PTPRT: variants seen among roughly 807,000 people sequenced by gnomAD.
PTPRT encodes the protein protein tyrosine phosphatase receptor type T.
Under a neutral mutation model 176.8 loss-of-function variants are expected in PTPRT, and 56 were observed. That is an observed-to-expected ratio of 0.32 (90% confidence interval 0.26 to 0.40). The LOEUF (loss-of-function observed/expected upper bound fraction) is 0.40, where lower values mean the gene tolerates loss of function less well. Ranked by LOEUF, PTPRT falls within the 10% of genes least tolerant of loss-of-function variation. The pLI, the probability that PTPRT is intolerant of heterozygous loss-of-function variation, is 1.00. For synonymous variants in PTPRT, 783 were observed against 739.0 expected (o/e 1.06, Z -0.96); for missense variants, 1,540 against 1,908.2 (o/e 0.81, Z 3.60).
intron 4 of PTPRT, among the ~76,000 whole-genome samples, chr20:42,774,460 G>A (rs1885833): frequency 6.6e-6 from 1 of 152,022 alleles, no homozygotes; most frequent in Non-Finnish European, 1.5e-5. Context: ...CTTTGTATAG[G>A]GGTGTCAAAC....
chr20:42,918,539 T>C (rs572775254), intron 1 of PTPRT, among the ~76,000 whole-genome samples: 18 of 152,200 alleles, frequency 1.2e-4, no homozygotes, highest in African/African-American at 4.1e-4. Context: ...TCCAGTTTGG[T>C]TCATCGATCA....
intron 1 of PTPRT, among the ~76,000 whole-genome samples, chr20:43,157,122 C>G (rs2014544369): frequency 6.6e-6 from 1 of 151,474 alleles, no homozygotes. Flanking sequence ...GAGGCCAAGG[C>G]GGGAGGATCG....
intron 1 of PTPRT, among the ~76,000 whole-genome samples, chr20:43,056,707 C>G (rs1407758417): frequency 2.6e-5 from 4 of 152,078 alleles, no homozygotes; most frequent in Non-Finnish European, 5.9e-5. Context: ...CAAAGCAAAA[C>G]TGAAAGCCCA....
chr20:42,783,206 T>C lies in PTPRT; in HGVS notation c.487-2907A>G, dbSNP rs2077239218. Among the ~76,000 whole-genome samples the C allele has an allele frequency of 3.9e-5, 6 of 152,200 alleles. No individual in the cohort carries two copies. In the South Asian group the frequency reaches 1.2e-3, roughly 32 times the overall value. Reference sequence around the variant, plus strand: ...GTCTTAAAAACCAATTTATTTAAAGTTACACAATGCTTTCTTAATAACTAT... The same window carrying C: ...GTCTTAAAAACCAATTTATTTAAAGCTACACAATGCTTTCTTAATAACTAT... On this transcript the variant is annotated intron_variant, in intron 3 of 30. Coordinates refer to ENST00000373187, the MANE Select transcript of PTPRT (RefSeq NM_007050.6).
chr20:42,960,611 C>T (rs962896010), intron 1 of PTPRT, among the ~76,000 whole-genome samples: 3 of 152,182 alleles, frequency 2.0e-5, no homozygotes, highest in Non-Finnish European at 2.9e-5. Flanking sequence ...TATGTGTAGT[C>T]GCCAGCCTGC....
intron 7 of PTPRT, among the ~76,000 whole-genome samples, chr20:42,612,345 A>T (rs576012394): frequency 1.3e-5 from 2 of 152,292 alleles, no homozygotes; most frequent in Admixed American, 6.5e-5. Context: ...TGTCATGGAG[A>T]TTCTGAAAGA....
At chr20:42,750,606 T>C (rs999955898) in intron 6 of PTPRT, among the ~76,000 whole-genome samples, 2 of 152,206 alleles carry the variant, frequency 1.3e-5, no homozygotes, top group Non-Finnish European at 2.9e-5. Flanking sequence ...TAGTATCACA[T>C]TTCTTCTGAG....
intron 5 of PTPRT, among the ~76,000 whole-genome samples, chr20:42,759,638 A>C (rs887422864): frequency 5.9e-5 from 9 of 152,200 alleles, no homozygotes; most frequent in African/African-American, 2.2e-4. Context: ...TCCAGGAAAA[A>C]TTCCGTCAGA....
chr20:42,712,056 C>T (rs1294471148), intron 6 of PTPRT, among the ~76,000 whole-genome samples: 8 of 152,084 alleles, frequency 5.3e-5, no homozygotes, highest in African/African-American at 1.2e-4. Context: ...TTAAAATGAG[C>T]AGTATACTGT....
At chr20:42,655,073 T>C (rs1053846624) in intron 7 of PTPRT, among the ~76,000 whole-genome samples, 2 of 152,134 alleles carry the variant, frequency 1.3e-5, no homozygotes, top group African/African-American at 4.8e-5. Flanking sequence ...CCTTCCACCC[T>C]GAAAAGGTCC....
intron 7 of PTPRT, among the ~76,000 whole-genome samples, chr20:42,646,572 A>C (rs1348059213): frequency 1.3e-5 from 2 of 152,134 alleles, no homozygotes; most frequent in Non-Finnish European, 2.9e-5. Context: ...ATTAAAATTA[A>C]ATAAAATTAA....
intron 1 of PTPRT, among the ~76,000 whole-genome samples, chr20:43,078,287 G>C (rs1398882127): frequency 1.3e-5 from 2 of 152,186 alleles, no homozygotes; most frequent in African/African-American, 4.8e-5. Flanking sequence ...TTGTGAACTT[G>C]GTCAGGGAAG....
At chr20:42,994,895 C>T (rs1474825719) in intron 1 of PTPRT, among the ~76,000 whole-genome samples, 2 of 152,210 alleles carry the variant, frequency 1.3e-5, no homozygotes, top group African/African-American at 4.8e-5. Context: ...CCCAGTTCTG[C>T]TACTTCCTAA....
At chr20:43,165,494 G>A (rs2014835159) in intron 1 of PTPRT, among the ~76,000 whole-genome samples, 2 of 152,124 alleles carry the variant, frequency 1.3e-5, no homozygotes, top group African/African-American at 4.8e-5. Flanking sequence ...CTACTGCCAT[G>A]TAAGATGTGC....
At chr20:42,212,211 T>G in intron 15 of PTPRT, among the ~76,000 whole-genome samples, 1 of 139,298 alleles carries the variant, frequency 7.2e-6, no homozygotes, top group Non-Finnish European at 1.5e-5. Flanking sequence ...GACGAGTTAG[T>G]GGGTGCAGTG....
At chr20:42,569,725 C>T (rs1374666731) in intron 7 of PTPRT, among the ~76,000 whole-genome samples, 1 of 152,172 alleles carries the variant, frequency 6.6e-6, no homozygotes, top group Non-Finnish European at 1.5e-5. Flanking sequence ...AGGCAGAGGG[C>T]TCTTAGCCTG....
chr20:42,298,776 C>T (rs2057420911), intron 12 of PTPRT, among the ~76,000 whole-genome samples: 1 of 152,024 alleles, frequency 6.6e-6, no homozygotes, highest in Non-Finnish European at 1.5e-5. Context: ...CAAAAATTAG[C>T]TGGGCATGGT....
intron 1 of PTPRT, among the ~76,000 whole-genome samples, chr20:43,114,662 T>C (rs779525293): frequency 6.6e-6 from 1 of 152,210 alleles, no homozygotes; most frequent in Non-Finnish European, 1.5e-5. Flanking sequence ...TTGGCCACTG[T>C]AGCATTTCTT....
Position 43,135,220 on chromosome 20 carries a change from G to A in PTPRT, c.88+54426C>T, listed in dbSNP as rs183904329. 6.6e-4 allele frequency among the ~76,000 whole-genome samples: 101 copies of A among 152,310 alleles called. No individual in the cohort carries two copies. In the East Asian group the frequency reaches 0.014, roughly 22 times the overall value. Reference sequence around the variant, plus strand: ...GAAAGGCACGATGCTGCCAACTGTCGAAGTGGGGTTCAGAGTGTACCTGGG... The same window carrying A: ...GAAAGGCACGATGCTGCCAACTGTCAAAGTGGGGTTCAGAGTGTACCTGGG... On this transcript the variant is annotated intron_variant, in intron 1 of 30. Coordinates refer to ENST00000373187, the MANE Select transcript of PTPRT (RefSeq NM_007050.6).
Sources: gnomAD v4.1 joint callset for allele counts (sites outside exome capture counted in the v4.1 genomes callset) on GRCh38, gnomAD v4.1.1 for gene constraint, MANE v1.5 for transcripts, NCBI Gene and HGNC (gene_info 2026-07-23, HGNC 2026-07-21) for gene names.